Variants in BRINP3 observed in about 807,000 individuals in gnomAD.
The protein encoded by BRINP3 is BMP/retinoic acid inducible neural specific 3.
Under a neutral mutation model 71.0 loss-of-function variants are expected in BRINP3, and 19 were observed. The ratio of observed to expected loss-of-function variants is 0.27; its 90% CI spans 0.19 to 0.39. The LOEUF (loss-of-function observed/expected upper bound fraction) is 0.39. Among genes scored for constraint, BRINP3 ranks in the 10% least tolerant of loss-of-function variants. BRINP3 has a pLI of 1.00. For synonymous variants in BRINP3, 380 were observed against 337.7 expected, an observed-to-expected ratio of 1.13 and a Z score of -1.37; for missense variants, 959 against 940.8, an observed-to-expected ratio of 1.02 and a Z score of -0.25.
chr1:190,243,157 A>G (rs1408695626), intron 4 of BRINP3, among the ~76,000 whole-genome samples: 3 of 152,124 alleles, frequency 2.0e-5, no homozygotes, highest in Non-Finnish European at 4.4e-5. Context: ...TTCTTAAATT[A>G]TTGATTTAGT....
intron 3 of BRINP3, among the ~76,000 whole-genome samples, chr1:190,268,448 C>A (rs1661835441): frequency 6.6e-6 from 1 of 152,018 alleles, no homozygotes; most frequent in Non-Finnish European, 1.5e-5. Flanking sequence ...TAAAAGCCAG[C>A]AACTTTCTTA....
chr1:190,281,430 T>C, intron 3 of BRINP3, 130 bp downstream of exon 3: 1 of 841,832 alleles, frequency 1.2e-6, no homozygotes. Flanking sequence ...CAAAATGTGT[T>C]GGGTAAATGA....
intron 2 of BRINP3, among the ~76,000 whole-genome samples, chr1:190,387,435 C>T (rs143889356): frequency 0.012 from 1,896 of 151,866 alleles, 24 homozygotes; most frequent in African/African-American, 0.03. Context: ...AACTGATAGC[C>T]GCATTGTACT....
At chr1:190,211,692 G>C (rs938231481) in intron 6 of BRINP3, among the ~76,000 whole-genome samples, 1 of 152,092 alleles carries the variant, frequency 6.6e-6, no homozygotes, top group Non-Finnish European at 1.5e-5. Context: ...AAAACATCAG[G>C]CCAACTGGAA....
At chr1:190,422,223 GTGCCTGC>G (rs754910429) in intron 2 of BRINP3, among the ~76,000 whole-genome samples, 1 of 151,754 alleles carries the variant, frequency 6.6e-6, no homozygotes, top group Non-Finnish European at 1.5e-5. Context: ...ATTTAAAAGT[GTGCCTGC>G]GTCCATTAAA....
chr1:190,148,833 A>T (rs1470223639), intron 7 of BRINP3, among the ~76,000 whole-genome samples: 1 of 151,780 alleles, frequency 6.6e-6, no homozygotes, highest in East Asian at 1.9e-4. Flanking sequence ...TTTTGCATGA[A>T]TTTAATACTT....
At chr1:190,304,422 A>G (rs1350663984) in intron 2 of BRINP3, among the ~76,000 whole-genome samples, 2 of 151,944 alleles carry the variant, frequency 1.3e-5, no homozygotes, top group Non-Finnish European at 2.9e-5. Context: ...TACTGGTATA[A>G]GAACAGACAC....
In BRINP3 at chr1:190,098,615, C is replaced by G; in HGVS notation, c.1704G>C (p.Val568=). 6.2e-7 allele frequency: 1 copy of G among 1,614,186 alleles called. No homozygotes were observed. The highest frequency in any genetic ancestry group is 8.5e-7 in the Non-Finnish European group (1 of 1,180,030). ...CLTKNSTLEP[V]LAVYVNPFGG... ...CGAAGGGATTGACATAAACAGCCAA[C>G]ACTGGCTCCAAGGTGCTGTTTTTAG... is the stretch of plus-strand genomic sequence containing the variant. The change falls in exon 8 of 8, where the codon GTG becomes GTC. Residue 568 remains valine, a synonymous_variant. Coordinates refer to ENST00000367462, the MANE Select transcript of BRINP3 (RefSeq NM_199051.3).
intron 6 of BRINP3, among the ~76,000 whole-genome samples, chr1:190,211,315 T>C (rs1655970000): frequency 6.6e-6 from 1 of 152,092 alleles, no homozygotes; most frequent in African/African-American, 2.4e-5. Context: ...TATATTCATA[T>C]ATCCTACAAG....
chr1:190,156,150 G>T (rs1484960920), intron 7 of BRINP3, among the ~76,000 whole-genome samples: 2 of 152,042 alleles, frequency 1.3e-5, no homozygotes, highest in Non-Finnish European at 2.9e-5. Flanking sequence ...AAAATGGTGA[G>T]ATTAATCTGA....
chr1:190,139,155 A>G (rs1335601748), intron 7 of BRINP3, among the ~76,000 whole-genome samples: 1 of 152,000 alleles, frequency 6.6e-6, no homozygotes. Flanking sequence ...CATAGAAAAA[A>G]AAAAAATGAT....
intron 6 of BRINP3, among the ~76,000 whole-genome samples, chr1:190,218,094 T>C (rs1383538914): frequency 1.3e-5 from 2 of 151,760 alleles, no homozygotes. Context: ...TGTAAGTGTA[T>C]AACTCAGAAT....
At chr1:190,213,701 G>A (rs1217120775) in intron 6 of BRINP3, among the ~76,000 whole-genome samples, 1 of 151,890 alleles carries the variant, frequency 6.6e-6, no homozygotes, top group Non-Finnish European at 1.5e-5. Flanking sequence ...ACCCAGAAAA[G>A]ACTCTCCATT....
At chr1:190,218,041 T>A (rs1466039012) in intron 6 of BRINP3, among the ~76,000 whole-genome samples, 1 of 152,056 alleles carries the variant, frequency 6.6e-6, no homozygotes, top group East Asian at 1.9e-4. Flanking sequence ...AGTGCTAATT[T>A]TTTATTTTAT....
chr1:190,447,936 C>A (rs1363966688), intron 2 of BRINP3, among the ~76,000 whole-genome samples: 17 of 151,534 alleles, frequency 1.1e-4, no homozygotes, highest in Admixed American at 1.1e-3. Context: ...ACCTATAAAC[C>A]TTTACACAAG....
chr1:190,367,805 C>T (rs1669606854), intron 2 of BRINP3, among the ~76,000 whole-genome samples: 1 of 152,172 alleles, frequency 6.6e-6, no homozygotes, highest in Admixed American at 6.5e-5. Flanking sequence ...TCATCAACAT[C>T]TAATATCACA....
chr1:190,317,944 CAAA>C (rs1665994523), intron 2 of BRINP3, among the ~76,000 whole-genome samples: 1 of 151,980 alleles, frequency 6.6e-6, no homozygotes, highest in Non-Finnish European at 1.5e-5. Flanking sequence ...TGACTAAAGG[CAAA>C]ATTCGTGTGT....
chr1:190,179,257 T>C (rs1350514908), intron 6 of BRINP3, among the ~76,000 whole-genome samples: 1 of 152,158 alleles, frequency 6.6e-6, no homozygotes, highest in Non-Finnish European at 1.5e-5. Context: ...GTTCATTTTA[T>C]TAAAATAGAA....
Position 190,432,055 on chromosome 1 carries a change from T to G in BRINP3, c.236+22600A>C, listed in dbSNP as rs116285660. 5.1e-3 allele frequency among the ~76,000 whole-genome samples: 781 copies of G among 152,278 alleles called. 6 individuals are homozygous for G. Among genetic ancestry groups the G allele is most frequent in the African/African-American group, 0.018 (733 of 41,562 alleles). On this transcript the variant is annotated intron_variant, in intron 2 of 7. Transcript: ENST00000367462. ...AACACCGTTAACAAACATGTTCATA[T>G]ATATACACAAATAGGAAAAATGGTG... is the stretch of plus-strand genomic sequence containing the variant.
Sources: gnomAD v4.1 joint callset for allele counts (sites outside exome capture counted in the v4.1 genomes callset) on GRCh38, gnomAD v4.1.1 for gene constraint, MANE v1.5 for transcripts, NCBI Gene and HGNC (gene_info 2026-07-23, HGNC 2026-07-21) for gene names.